MARCHF1: variants seen among roughly 807,000 people sequenced by gnomAD.
MARCHF1 encodes E3 ubiquitin-protein ligase MARCHF1.
MARCHF1 carries 40 observed loss-of-function variants against 54.2 expected under a neutral mutation model. The observed-to-expected ratio is 0.74, with a 90% CI of 0.57 to 0.96. The LOEUF is 0.96. MARCHF1 is among the 40% of genes least tolerant of loss of function. The pLI, the probability that MARCHF1 is intolerant of heterozygous loss-of-function variation, is 0.00. For synonymous variants in MARCHF1, 236 were observed against 236.3 expected (o/e 1.00, Z 0.01); for missense variants, 586 against 656.5 (o/e 0.89, Z 1.17).
intron 1 of MARCHF1, among the ~76,000 whole-genome samples, chr4:164,140,557 G>A (rs1275852799): frequency 2.6e-5 from 4 of 152,076 alleles, no homozygotes; most frequent in Non-Finnish European, 5.9e-5. Context: ...TTCTCTGCAT[G>A]TAGGTATATT....
At chr4:163,804,071 C>T (rs1313536454) in intron 4 of MARCHF1, among the ~76,000 whole-genome samples, 1 of 152,152 alleles carries the variant, frequency 6.6e-6, no homozygotes, top group African/African-American at 2.4e-5. Context: ...TGAGAAGCAG[C>T]TCTTGAGTCA....
intron 4 of MARCHF1, among the ~76,000 whole-genome samples, chr4:163,738,072 T>C (rs947088256): frequency 2.0e-5 from 3 of 152,202 alleles, no homozygotes; most frequent in Non-Finnish European, 4.4e-5. Flanking sequence ...TAGGGTTATA[T>C]GCTCTTCTGA....
chr4:163,735,643 C>G (rs1184987260), intron 4 of MARCHF1, among the ~76,000 whole-genome samples: 1 of 152,100 alleles, frequency 6.6e-6, no homozygotes, highest in East Asian at 1.9e-4. Flanking sequence ...GGGAGAAGCC[C>G]TTATGGCCTA....
chr4:163,808,550 T>C (rs967488371), intron 4 of MARCHF1, among the ~76,000 whole-genome samples: 1 of 152,118 alleles, frequency 6.6e-6, no homozygotes, highest in Non-Finnish European at 1.5e-5. Context: ...GAAAGACACA[T>C]GAAAATGCAT....
At chr4:163,831,695 A>G (rs1159284755) in intron 4 of MARCHF1, among the ~76,000 whole-genome samples, 1 of 152,256 alleles carries the variant, frequency 6.6e-6, no homozygotes, top group African/African-American at 2.4e-5. Context: ...AAATTGCCAA[A>G]TCAAATGTTT....
chr4:164,178,260 G>A (rs1037333303), intron 1 of MARCHF1, among the ~76,000 whole-genome samples: 2 of 152,190 alleles, frequency 1.3e-5, no homozygotes, highest in African/African-American at 4.8e-5. Flanking sequence ...TTTGTACCAA[G>A]TAACTTTAGT....
At chr4:163,954,714 G>A (rs866401475) in intron 3 of MARCHF1, among the ~76,000 whole-genome samples, 1 of 151,982 alleles carries the variant, frequency 6.6e-6, no homozygotes, top group Non-Finnish European at 1.5e-5. Flanking sequence ...AAATCACCTG[G>A]GGATCTTGTT....
At position 164,024,843 on chromosome 4, in the gene MARCHF1, T is replaced by A. The variant is rs566538956; in HGVS notation, c.-247-36134A>T. On this transcript the variant is annotated intron_variant, in intron 2 of 9. Transcript: ENST00000514618. Reference sequence around the variant, plus strand: ...CCATCTGCTGTCTTCAATAGACCCATCTCACATGTAGTGATAACCACAGGC... The same window carrying A: ...CCATCTGCTGTCTTCAATAGACCCAACTCACATGTAGTGATAACCACAGGC... Among the ~76,000 whole-genome samples the A allele has an allele frequency of 3.3e-4, 50 of 152,238 alleles. 1 individual carries two copies. The highest frequency in any genetic ancestry group is 1.1e-3 in the African/African-American group (47 of 41,554).
At chr4:163,669,305 G>A (rs1743647008) in intron 5 of MARCHF1, among the ~76,000 whole-genome samples, 1 of 152,056 alleles carries the variant, frequency 6.6e-6, no homozygotes, top group South Asian at 2.1e-4. Flanking sequence ...TGAGAATTTA[G>A]GCTTGCTCAT....
intron 4 of MARCHF1, among the ~76,000 whole-genome samples, chr4:163,733,168 T>TCC (rs59956339): frequency 1.4e-5 from 1 of 71,552 alleles, no homozygotes; most frequent in South Asian, 5.3e-4. Flanking sequence ...TCTCTCTCTC[T>TCC]GTATGTGTGT....
intron 8 of MARCHF1, among the ~76,000 whole-genome samples, chr4:163,556,323 T>C (rs1195423468): frequency 2.0e-5 from 3 of 152,212 alleles, no homozygotes; most frequent in African/African-American, 7.2e-5. Flanking sequence ...CCTTTCTCAA[T>C]TCTGTTGTGT....
chr4:164,114,586 ATAAG>A (rs1482025753), intron 1 of MARCHF1, among the ~76,000 whole-genome samples: 3 of 151,730 alleles, frequency 2.0e-5, no homozygotes, highest in East Asian at 3.9e-4. Flanking sequence ...TTCCCAGTAT[ATAAG>A]TATTATATTA....
At chr4:164,079,376 A>G (rs1560894100) in intron 2 of MARCHF1, among the ~76,000 whole-genome samples, 1 of 152,226 alleles carries the variant, frequency 6.6e-6, no homozygotes, top group African/African-American at 2.4e-5. Context: ...GATGGTCACA[A>G]TAAGTAAGTT....
At chr4:163,826,111 T>C (rs1316283979) in intron 4 of MARCHF1, among the ~76,000 whole-genome samples, 1 of 152,098 alleles carries the variant, frequency 6.6e-6, no homozygotes. Flanking sequence ...AACATTGTTT[T>C]AGGAGTTATT....
intron 7 of MARCHF1, among the ~76,000 whole-genome samples, chr4:163,610,991 G>A (rs1393485447): frequency 6.6e-6 from 1 of 151,988 alleles, no homozygotes; most frequent in Non-Finnish European, 1.5e-5. Flanking sequence ...GCCTTAGCCT[G>A]CTTGTCACTT....
At chr4:164,306,290 C>T (rs1014296953) in intron 1 of MARCHF1, among the ~76,000 whole-genome samples, 35 of 152,094 alleles carry the variant, frequency 2.3e-4, no homozygotes, top group Non-Finnish European at 4.7e-4. Context: ...TTTTTCTTGG[C>T]TGAAATTCTT....
intron 4 of MARCHF1, among the ~76,000 whole-genome samples, chr4:163,819,588 A>AT (rs749357069): frequency 5.3e-5 from 8 of 152,040 alleles, no homozygotes; most frequent in Non-Finnish European, 1.0e-4. Flanking sequence ...GCCTCATCAA[A>AT]TTTCTGACAC....
intron 2 of MARCHF1, among the ~76,000 whole-genome samples, chr4:164,040,333 T>C (rs1389270931): frequency 7.5e-6 from 1 of 132,636 alleles, no homozygotes; most frequent in Non-Finnish European, 1.6e-5. Context: ...TAAATACTTA[T>C]ACAATACTTA....
At chr4:164,180,118 G>C (rs1232506263) in intron 1 of MARCHF1, among the ~76,000 whole-genome samples, 1 of 151,674 alleles carries the variant, frequency 6.6e-6, no homozygotes, top group African/African-American at 2.4e-5. Flanking sequence ...TGAAAGCACT[G>C]AATTAAAAAG....
Sources: allele counts gnomAD v4.1 joint callset (sites outside exome capture counted in the v4.1 genomes callset), GRCh38; gene constraint gnomAD v4.1.1; transcripts MANE v1.5; gene names NCBI Gene and HGNC (gene_info 2026-07-23, HGNC 2026-07-21).